Variants in LRFN5 observed in about 807,000 individuals in gnomAD.
The protein encoded by LRFN5 is leucine-rich repeat and fibronectin type-III domain-containing protein 5.
LRFN5 carries 24 observed loss-of-function variants against 45.6 expected under a neutral mutation model. That is an observed-to-expected ratio of 0.53 (90% CI 0.38 to 0.74). LRFN5 has a LOEUF of 0.74. Ranked by LOEUF, LRFN5 falls within the 30% of genes least tolerant of loss-of-function variation. The pLI, the probability that LRFN5 is intolerant of heterozygous loss-of-function variation, is 0.00. For synonymous variants in LRFN5, 340 were observed against 313.8 expected, an observed-to-expected ratio of 1.08 and a Z score of -0.88; for missense variants, 776 against 861.5, an observed-to-expected ratio of 0.90 and a Z score of 1.24.
chr14:41,742,789 A>C (rs1408683777), intron 1 of LRFN5: 1 of 164,098 alleles, frequency 6.1e-6, no homozygotes, highest in Non-Finnish European at 1.3e-5. Flanking sequence ...TTCAAGTTCA[A>C]AACTGGTGAA....
At chr14:41,725,873 T>C (rs1167366518) in intron 1 of LRFN5, among the ~76,000 whole-genome samples, 2 of 152,220 alleles carry the variant, frequency 1.3e-5, no homozygotes, top group Non-Finnish European at 1.5e-5. Context: ...ATTTTATATT[T>C]ATTTGCTTTC....
At chr14:41,711,548 T>A (rs1883286210) in intron 1 of LRFN5, among the ~76,000 whole-genome samples, 1 of 152,212 alleles carries the variant, frequency 6.6e-6, no homozygotes, top group Non-Finnish European at 1.5e-5. Context: ...TCATGTAGAA[T>A]AGATTTGGGA....
chr14:41,610,660 G>GAAAAAAAAAAAAAAAAAAA (rs1566586963), intron 1 of LRFN5, among the ~76,000 whole-genome samples: 1 of 10,510 alleles, frequency 9.5e-5, no homozygotes, highest in Non-Finnish European at 1.9e-4. Flanking sequence ...CCCAGGGAAG[G>GAAAAAAAAAAAAAAAAAAA]TAAAAAAAAA....
chr14:41,686,085 G>A (rs1007683001), intron 1 of LRFN5, among the ~76,000 whole-genome samples: 7 of 151,892 alleles, frequency 4.6e-5, no homozygotes, highest in Admixed American at 1.3e-4. Context: ...ACATTGATTC[G>A]TCCTAGACAT....
chr14:41,886,928 G>A lies in LRFN5; in HGVS notation c.303G>A (p.Leu101=), dbSNP rs1466883253. ...ATGCTTTCGCTGACCTACGAAATTT[G>A]AGGGCTTTGCATTTGAATAGCAACA... ...TPHAFADLRN[L]RALHLNSNRL... The change falls in exon 3 of 6, where the codon TTG becomes TTA. Residue 101 remains leucine (L), a synonymous_variant. Transcript: ENST00000298119. The A allele has an allele frequency of 6.2e-7, 1 of 1,614,058 alleles. No individual in the cohort carries two copies. The highest frequency in any genetic ancestry group is 1.7e-5 in the Admixed American group (1 of 60,000).
In LRFN5 at chr14:41,904,294, T is replaced by C; in HGVS notation, c.*119T>C. 8.2e-7 allele frequency: 1 copy of C among 1,217,562 alleles called. No homozygotes were observed. Among genetic ancestry groups the C allele is most frequent in the Non-Finnish European group, 1.2e-6 (1 of 834,562 alleles). 75.4% of individuals were successfully genotyped at this position (1,217,562 alleles called of 1,614,324 possible). On this transcript the variant is annotated 3_prime_UTR_variant, in exon 6 of 6. Coordinates refer to ENST00000298119, the MANE Select transcript of LRFN5 (RefSeq NM_152447.5). Reference sequence around the variant, plus strand: ...TGTTGAACTGGTGTCGTAGAAGAAATTGTCTACAGGAGCCAAGGTGAAAGT... The same window carrying C: ...TGTTGAACTGGTGTCGTAGAAGAAACTGTCTACAGGAGCCAAGGTGAAAGT...
At chr14:41,901,039 G>A (rs148685062) in intron 5 of LRFN5, among the ~76,000 whole-genome samples, 1 of 152,112 alleles carries the variant, frequency 6.6e-6, no homozygotes, top group African/African-American at 2.4e-5. Flanking sequence ...TTCAGAATAT[G>A]CCCCATGCCA....
intron 1 of LRFN5, among the ~76,000 whole-genome samples, chr14:41,635,431 A>G (rs1390671628): frequency 6.6e-6 from 1 of 152,200 alleles, no homozygotes; most frequent in East Asian, 1.9e-4. Context: ...TTTTGAGTCC[A>G]GTTTTAAAAG....
At chr14:41,889,686 T>C (rs191668871) in intron 3 of LRFN5, among the ~76,000 whole-genome samples, 1 of 152,338 alleles carries the variant, frequency 6.6e-6, no homozygotes, top group Admixed American at 6.5e-5. Flanking sequence ...AAAATAGTGA[T>C]AATGCCTGTC....
chr14:41,755,957 C>G (rs1247686443), intron 1 of LRFN5, among the ~76,000 whole-genome samples: 1 of 152,114 alleles, frequency 6.6e-6, no homozygotes, highest in Non-Finnish European at 1.5e-5. Flanking sequence ...TTAGGGCAGG[C>G]CTGGCGGTGA....
intron 2 of LRFN5, among the ~76,000 whole-genome samples, chr14:41,804,045 G>A (rs970389890): frequency 1.3e-5 from 2 of 152,018 alleles, no homozygotes; most frequent in Non-Finnish European, 2.9e-5. Context: ...TGTATTTTTG[G>A]TAGAGGCGGG....
At chr14:41,904,105 C>T in intron 5 of LRFN5, 53 bp from the exon 6 acceptor site, 2 of 1,440,378 alleles carry the variant, frequency 1.4e-6, no homozygotes, top group Non-Finnish European at 1.9e-6. Flanking sequence ...TATGTGTTTT[C>T]TTTCTTTCTT....
intron 2 of LRFN5, among the ~76,000 whole-genome samples, chr14:41,817,597 T>C (rs1001490003): frequency 2.6e-5 from 4 of 152,146 alleles, no homozygotes; most frequent in Admixed American, 2.6e-4. Context: ...TAGACTCTGA[T>C]GAAACTTAGA....
chr14:41,894,356 A>G (rs1594504376), intron 4 of LRFN5: 2 of 859,046 alleles, frequency 2.3e-6, no homozygotes. Flanking sequence ...TCCATATTTA[A>G]TCATATGAGA....
chr14:41,715,219 A>G (rs145896909), intron 1 of LRFN5, among the ~76,000 whole-genome samples: 124 of 152,314 alleles, frequency 8.1e-4, no homozygotes, highest in African/African-American at 2.9e-3. Context: ...CCATTTTGAA[A>G]TGACTTATTT....
chr14:41,784,334 A>AT (rs1234453022), intron 2 of LRFN5, among the ~76,000 whole-genome samples: 1 of 151,960 alleles, frequency 6.6e-6, no homozygotes, highest in Non-Finnish European at 1.5e-5. Context: ...CAATCCTCCA[A>AT]CATTGTTGTA....
At chr14:41,749,651 C>T (rs1463752610) in intron 1 of LRFN5, among the ~76,000 whole-genome samples, 2 of 151,948 alleles carry the variant, frequency 1.3e-5, no homozygotes, top group Non-Finnish European at 2.9e-5. Flanking sequence ...AAACAATAGA[C>T]GCTGGGGTCT....
At chr14:41,798,964 T>C (rs905841480) in intron 2 of LRFN5, among the ~76,000 whole-genome samples, 1 of 152,084 alleles carries the variant, frequency 6.6e-6, no homozygotes, top group African/African-American at 2.4e-5. Flanking sequence ...TGAGGTTTTC[T>C]TGTGGTGTGT....
chr14:41,838,563 A>G (rs1888745329), intron 2 of LRFN5, among the ~76,000 whole-genome samples: 4 of 152,206 alleles, frequency 2.6e-5, no homozygotes, highest in Admixed American at 2.6e-4. Context: ...TTCCTGGCAG[A>G]TATGTCTTAT....
Sources: gnomAD v4.1 joint callset for allele counts (sites outside exome capture counted in the v4.1 genomes callset) on GRCh38, gnomAD v4.1.1 for gene constraint, MANE v1.5 for transcripts, NCBI Gene and HGNC (gene_info 2026-07-23, HGNC 2026-07-21) for gene names.